Variants in RBFOX3 observed in about 807,000 individuals in gnomAD.
RBFOX3 encodes the protein RNA binding protein fox-1 homolog 3.
A neutral mutation model predicts 48.7 loss-of-function variants in RBFOX3; 17 were observed. The ratio of observed to expected loss-of-function variants is 0.35; its 90% CI spans 0.24 to 0.52. RBFOX3 has a LOEUF of 0.52. Ranked by LOEUF, RBFOX3 falls within the 20% of genes least tolerant of loss-of-function variation. The pLI, the probability that RBFOX3 is intolerant of heterozygous loss-of-function variation, is 0.94. For synonymous variants in RBFOX3, 212 were observed against 209.5 expected, an observed-to-expected ratio of 1.01 and a Z score of -0.10; for missense variants, 382 against 497.5, an observed-to-expected ratio of 0.77 and a Z score of 2.21.
At chr17:79,451,876 G>A (rs1166156256) in intron 2 of RBFOX3, among the ~76,000 whole-genome samples, 2 of 152,248 alleles carry the variant, frequency 1.3e-5, no homozygotes, top group Non-Finnish European at 2.9e-5. Context: ...CGTGCTTCAC[G>A]TCTGGAGACG....
intron 1 of RBFOX3, among the ~76,000 whole-genome samples, chr17:79,545,272 C>A (rs782353370): frequency 1.1e-4 from 17 of 152,204 alleles, no homozygotes; most frequent in Middle Eastern, 3.4e-3. Flanking sequence ...CTCTCCCTCG[C>A]CCCTGCTAGA....
At chr17:79,502,807 G>A (rs2082557600) in intron 1 of RBFOX3, among the ~76,000 whole-genome samples, 1 of 152,194 alleles carries the variant, frequency 6.6e-6, no homozygotes, top group Non-Finnish European at 1.5e-5. Context: ...AGGAGGCCCG[G>A]CCTCCCCACT....
chr17:79,353,899 C>G (rs969715264), intron 2 of RBFOX3, among the ~76,000 whole-genome samples: 1 of 152,212 alleles, frequency 6.6e-6, no homozygotes, highest in Non-Finnish European at 1.5e-5. Context: ...TGAGGTCCCA[C>G]CCCCGCGTTA....
intron 1 of RBFOX3, among the ~76,000 whole-genome samples, chr17:79,563,768 G>A (rs928147862): frequency 1.3e-5 from 2 of 152,124 alleles, no homozygotes; most frequent in Non-Finnish European, 2.9e-5. Flanking sequence ...GGGAGTCTAG[G>A]TCTGAGGGCG....
chr17:79,112,375 T>A (rs888610143), intron 5 of RBFOX3, among the ~76,000 whole-genome samples: 5 of 152,024 alleles, frequency 3.3e-5, no homozygotes, highest in African/African-American at 4.8e-5. Flanking sequence ...GGCCCTGAGT[T>A]GGATGAACAC....
rs1440292840 is a variant in RBFOX3, at chr17:79,111,759, C to A, written c.222+3735G>T. 6.6e-6 allele frequency among the ~76,000 whole-genome samples: 1 copy of A among 152,186 alleles called. No homozygotes were observed. The highest frequency in any genetic ancestry group is 1.9e-4 in the East Asian group (1 of 5,182). ...GTTAGCAAGCTGAGGGTCCCTTGAG[C>A]ACAAAGACTCCCAAGGGCCCACAGT... is the stretch of plus-strand genomic sequence containing the variant. On this transcript the variant is annotated intron_variant, in intron 5 of 14. Coordinates refer to ENST00000693108, the MANE Select transcript of RBFOX3 (RefSeq NM_001350451.2). The surrounding 1 kb of genome is among the most constrained non-coding windows in gnomAD (Gnocchi z 4.2).
At chr17:79,272,073 C>T (rs576848093) in intron 3 of RBFOX3, among the ~76,000 whole-genome samples, 3 of 152,174 alleles carry the variant, frequency 2.0e-5, no homozygotes, top group African/African-American at 4.8e-5. Flanking sequence ...TGAGAGACGA[C>T]GGAAACTTGT....
At chr17:79,304,437 A>ATG (rs942722895) in intron 3 of RBFOX3, among the ~76,000 whole-genome samples, 7 of 148,392 alleles carry the variant, frequency 4.7e-5, no homozygotes, top group East Asian at 2.0e-4. Flanking sequence ...TTTGATATAT[A>ATG]TGTGTATATA....
Position 79,482,030 on chromosome 17 carries a change from C to T in RBFOX3, c.-175+424G>A, listed in dbSNP as rs2078855744. On this transcript the variant is annotated intron_variant, in intron 2 of 14. Transcript: ENST00000693108. The surrounding 1 kb of genome is among the most constrained non-coding windows in gnomAD (Gnocchi z 4.1). Reference sequence around the variant, plus strand: ...GGCATCATGCCGTCCCCTCTAGAGCCACAGGAAGGCTTCAGGGCCCTCCCT... The same window carrying T: ...GGCATCATGCCGTCCCCTCTAGAGCTACAGGAAGGCTTCAGGGCCCTCCCT... Among the ~76,000 whole-genome samples the T allele has an allele frequency of 6.6e-6, 1 of 152,174 alleles. No individual in the cohort carries two copies. Among genetic ancestry groups the T allele is most frequent in the African/African-American group, 2.4e-5 (1 of 41,436 alleles).
At chr17:79,586,598 C>T (rs1213005839) in intron 1 of RBFOX3, among the ~76,000 whole-genome samples, 6 of 152,210 alleles carry the variant, frequency 3.9e-5, no homozygotes, top group African/African-American at 7.2e-5. Context: ...ACCAACAGAG[C>T]CATGTGGCTA....
intron 2 of RBFOX3, among the ~76,000 whole-genome samples, chr17:79,378,762 T>C (rs1598438509): frequency 6.6e-6 from 1 of 152,246 alleles, no homozygotes; most frequent in Non-Finnish European, 1.5e-5. Context: ...TAGGGGCTAA[T>C]GGATAACATT....
intron 2 of RBFOX3, among the ~76,000 whole-genome samples, chr17:79,344,937 C>T (rs979929323): frequency 6.6e-6 from 1 of 152,212 alleles, no homozygotes; most frequent in African/African-American, 2.4e-5. Flanking sequence ...TCACATTTGA[C>T]CCTCTGACTG....
chr17:79,091,695 C>T (rs995353836), intron 14 of RBFOX3, among the ~76,000 whole-genome samples: 3 of 152,188 alleles, frequency 2.0e-5, no homozygotes, highest in Non-Finnish European at 2.9e-5. Flanking sequence ...CCCCTCCTTC[C>T]GGAATATACC....
intron 1 of RBFOX3, among the ~76,000 whole-genome samples, chr17:79,514,333 G>A (rs1224810617): frequency 1.3e-5 from 2 of 152,286 alleles, no homozygotes; most frequent in Admixed American, 6.5e-5. Flanking sequence ...GTACACACTC[G>A]GCGGTCACGC....
chr17:79,312,755 T>C (rs1443577346), intron 2 of RBFOX3, among the ~76,000 whole-genome samples: 2 of 152,196 alleles, frequency 1.3e-5, no homozygotes, highest in Non-Finnish European at 2.9e-5. Flanking sequence ...TTTTATTGGC[T>C]TAATAAACTG....
intron 3 of RBFOX3, among the ~76,000 whole-genome samples, chr17:79,294,987 G>A (rs1482079825): frequency 6.6e-6 from 1 of 152,220 alleles, no homozygotes; most frequent in Admixed American, 6.5e-5. Context: ...GAAGAGAACA[G>A]CGGCCAGTTC....
intron 2 of RBFOX3, among the ~76,000 whole-genome samples, chr17:79,379,881 C>T (rs1489781203): frequency 6.6e-6 from 1 of 152,172 alleles, no homozygotes; most frequent in African/African-American, 2.4e-5. Flanking sequence ...CAGAGCGGCT[C>T]TCAGGCCCGC....
chr17:79,498,069 T>C lies in RBFOX3; in HGVS notation c.-319-15471A>G, dbSNP rs371865857. On this transcript the variant is annotated intron_variant, in intron 1 of 14. Coordinates refer to ENST00000693108, the MANE Select transcript of RBFOX3 (RefSeq NM_001350451.2). ...GGAGCAGAATGGAGATTTACCTCTT[T>C]GGCAAGAGGCTCTTCTGACCACCGC... Among the ~76,000 whole-genome samples, 467 of 152,320 alleles carry C rather than the reference T, an allele frequency of 3.1e-3. 15 individuals are homozygous for C. In the South Asian group the frequency reaches 0.051, roughly 17 times the overall value.
intron 4 of RBFOX3, among the ~76,000 whole-genome samples, chr17:79,177,052 C>T (rs949522954): frequency 3.9e-5 from 6 of 152,104 alleles, no homozygotes; most frequent in Admixed American, 6.5e-5. Flanking sequence ...CTGGGTCCCA[C>T]ACCACCAGGA....
Sources: allele counts gnomAD v4.1 joint callset (sites outside exome capture counted in the v4.1 genomes callset), GRCh38; gene constraint gnomAD v4.1.1; non-coding constraint Gnocchi (gnomAD v3.1); transcripts MANE v1.5; gene names NCBI Gene and HGNC (gene_info 2026-07-23, HGNC 2026-07-21).